Variants in SOD2 observed in about 807,000 individuals in gnomAD.
SOD2 encodes superoxide dismutase [Mn], mitochondrial.
A neutral mutation model predicts 27.0 loss-of-function variants in SOD2; 11 were observed. That is an observed-to-expected ratio of 0.41 (90% confidence interval 0.26 to 0.67). The LOEUF is 0.67. Among genes scored for constraint, SOD2 ranks in the 30% least tolerant of loss-of-function variants. The probability of loss-of-function intolerance (pLI) is 0.34; values close to 1 mark genes in which losing one functional copy is unlikely to be tolerated. For synonymous variants in SOD2, 105 were observed against 103.0 expected (o/e 1.02, Z -0.12); for missense variants, 250 against 274.5 (o/e 0.91, Z 0.63).
chr6:159,719,027 T>C (rs1296728464), intron 1 of SOD2, among the ~76,000 whole-genome samples: 1 of 152,102 alleles, frequency 6.6e-6, no homozygotes, highest in Non-Finnish European at 1.5e-5. Flanking sequence ...TTACTGTTTT[T>C]TTTTTCCTCT....
rs1459082166 is a variant in SOD2, at chr6:159,675,817, C to A, written c.*6676G>T. On this transcript the variant is annotated 3_prime_UTR_variant, in exon 5 of 5. Transcript: ENST00000538183. ...ACCATCAGAGTGAACAGGCAACCTA[C>A]AAAATGGGAGAAAATTTTTGCAATC... 4.6e-5 allele frequency: 7 copies of A among 152,086 alleles called. No homozygotes were observed. The highest frequency in any genetic ancestry group is 2.1e-4 in the South Asian group (1 of 4,832). 9.4% of individuals were successfully genotyped at this position (152,086 alleles called of 1,614,324 possible). A position where few individuals can be genotyped will look rare whatever the true frequency, so the allele number is the denominator to read the frequency against.
chr6:159,723,057 C>A (rs1778071141), intron 1 of SOD2, among the ~76,000 whole-genome samples: 2 of 152,224 alleles, frequency 1.3e-5, no homozygotes, highest in African/African-American at 2.4e-5. Context: ...ATCAGGCATA[C>A]CTGTGAAACC....
chr6:159,685,786 G>C (rs1420385514), intron 3 of SOD2, among the ~76,000 whole-genome samples: 1 of 151,996 alleles, frequency 6.6e-6, no homozygotes, highest in Non-Finnish European at 1.5e-5. Flanking sequence ...GTGGTATTTG[G>C]TTTTCTGTTC....
chr6:159,693,004 C>T, intron 1 of SOD2, 141 bp from the exon 2 acceptor site: 2 of 1,355,472 alleles, frequency 1.5e-6, no homozygotes, highest in Non-Finnish European at 1.9e-6. Context: ...GCCGCCGCGC[C>T]GGGCACTCCC....
intron 3 of SOD2, 128 bp from the exon 4 acceptor site, chr6:159,685,161 G>A (rs544938563): frequency 2.8e-6 from 1 of 360,646 alleles, no homozygotes; most frequent in Non-Finnish European, 4.7e-6. Flanking sequence ...ATCAGAATGC[G>A]ACACCTGGAT....
chr6:159,727,899 TCTCTGTC>T (rs1778305948), upstream of SOD2, among the ~76,000 whole-genome samples: 1 of 152,210 alleles, frequency 6.6e-6, no homozygotes, highest in Non-Finnish European at 1.5e-5. Context: ...GGCCATTTTA[TCTCTGTC>T]CTCCGTCCCC....
chr6:159,737,530 G>A (rs1778995167), intron 1 of SOD2, among the ~76,000 whole-genome samples: 1 of 151,788 alleles, frequency 6.6e-6, no homozygotes, highest in South Asian at 2.1e-4. Flanking sequence ...GTCTCACTCT[G>A]TTGCCCATGC....
At chr6:159,753,265 AT>A (rs1779885413) in intron 1 of SOD2, 4 of 738,020 alleles carry the variant, frequency 5.4e-6, no homozygotes, top group Non-Finnish European at 8.5e-6. Flanking sequence ...TTTAGGGTTT[AT>A]TTTTACTGCT....
intron 1 of SOD2, among the ~76,000 whole-genome samples, chr6:159,732,836 CTCTG>C (rs1034045109): frequency 6.7e-6 from 1 of 148,150 alleles, no homozygotes; most frequent in South Asian, 2.2e-4. Context: ...GGGGGAGTGT[CTCTG>C]TCTGCTTCTT....
intron 1 of SOD2, among the ~76,000 whole-genome samples, chr6:159,725,089 T>C (rs1046497615): frequency 6.6e-6 from 1 of 152,194 alleles, no homozygotes; most frequent in African/African-American, 2.4e-5. Flanking sequence ...TGCAGATTTC[T>C]GTATATGCTC....
rs1334698077 is a variant in SOD2 at position 159,675,152 on chromosome 6, C to A, written c.*7341G>T. ...GCTCATGGATAGGAAGAATCAATAT[C>A]GTGAAAATGGCTATACTGCCCAAGG... is the stretch of plus-strand genomic sequence containing the variant. On this transcript the variant is annotated 3_prime_UTR_variant, in exon 5 of 5. Transcript: ENST00000538183. 1 of 152,118 alleles carries A rather than the reference C, an allele frequency of 6.6e-6. No individual in the cohort carries two copies. The highest frequency in any genetic ancestry group is 1.5e-5 in the Non-Finnish European group (1 of 68,038). 9.4% of individuals were successfully genotyped at this position (152,118 alleles called of 1,614,324 possible).
At chr6:159,762,281 T>C in exon 1 of SOD2, 1 of 1,271,852 alleles carries the variant, frequency 7.9e-7, no homozygotes, top group Non-Finnish European at 1.1e-6. Flanking sequence ...GCGGGATCCC[T>C]GGAACCCTGC....
chr6:159,730,157 C>T (rs777813035), upstream of SOD2, among the ~76,000 whole-genome samples: 6 of 152,166 alleles, frequency 3.9e-5, no homozygotes, highest in Non-Finnish European at 8.8e-5. Context: ...CTGTTTTAAT[C>T]ACCTAATAGC....
chr6:159,711,738 A>C, intron 1 of SOD2, among the ~76,000 whole-genome samples: 1 of 105,718 alleles, frequency 9.5e-6, no homozygotes, highest in Non-Finnish European at 2.0e-5. Context: ...CTCCACAACC[A>C]CCACTCACAT....
chr6:159,753,747 T>A, intron 1 of SOD2: 2 of 1,153,228 alleles, frequency 1.7e-6, no homozygotes, highest in Non-Finnish European at 2.3e-6. Context: ...TTATTGTGAG[T>A]GAAGCATTTT....
At chr6:159,702,654 C>CAAAAAAAAA (rs750073120) in intron 1 of SOD2, among the ~76,000 whole-genome samples, 11 of 39,770 alleles carry the variant, frequency 2.8e-4, no homozygotes, top group Non-Finnish European at 3.5e-4. Flanking sequence ...TCTATCTCTC[C>CAAAAAAAAA]AAAAAAAAAA....
At chr6:159,751,077 T>C (rs1054441737) in intron 1 of SOD2, among the ~76,000 whole-genome samples, 1 of 152,260 alleles carries the variant, frequency 6.6e-6, no homozygotes, top group Non-Finnish European at 1.5e-5. Flanking sequence ...TGTGGGTTAA[T>C]CGATTTTAGG....
At chr6:159,759,763 TGAG>T (rs1262152974) in intron 1 of SOD2, among the ~76,000 whole-genome samples, 1 of 152,158 alleles carries the variant, frequency 6.6e-6, no homozygotes, top group African/African-American at 2.4e-5. Context: ...GTAGCTATAA[TGAG>T]GACTCCTCAG....
chr6:159,726,731 G>C (rs1318663660), intron 1 of SOD2: 1 of 1,275,884 alleles, frequency 7.8e-7, no homozygotes, highest in African/African-American at 1.5e-5. Context: ...CGACGCCAGA[G>C]AACAATAGCT....
Sources: gnomAD v4.1 joint callset for allele counts (sites outside exome capture counted in the v4.1 genomes callset) on GRCh38, gnomAD v4.1.1 for gene constraint, MANE v1.5 for transcripts, NCBI Gene and HGNC (gene_info 2026-07-23, HGNC 2026-07-21) for gene names.